Variants in CAPZB observed in about 807,000 individuals in gnomAD.
CAPZB encodes the protein F-actin-capping protein subunit beta.
CAPZB carries 2 observed loss-of-function variants against 38.1 expected under a neutral mutation model. The observed-to-expected ratio is 0.05, with a 90% CI of 0.02 to 0.17. CAPZB has a LOEUF of 0.17. Among genes scored for constraint, CAPZB ranks in the 10% least tolerant of loss-of-function variants. The pLI, the probability that CAPZB is intolerant of heterozygous loss-of-function variation, is 1.00. For missense variants in CAPZB, 161 were observed against 334.2 expected (o/e 0.48, Z 4.04); for synonymous variants, 107 against 127.4 (o/e 0.84, Z 1.08).
At chr1:19,437,244 G>C (rs563501573) in intron 1 of CAPZB, among the ~76,000 whole-genome samples, 2 of 152,330 alleles carry the variant, frequency 1.3e-5, no homozygotes, top group South Asian at 2.1e-4. Context: ...GGCCTTCCAT[G>C]AATATATGAA....
intron 6 of CAPZB, among the ~76,000 whole-genome samples, chr1:19,351,840 G>A (rs1172334543): frequency 6.6e-6 from 1 of 152,184 alleles, no homozygotes; most frequent in East Asian, 1.9e-4. Context: ...GCCGCCTCCT[G>A]CCAGGGATCT....
chr1:19,477,487 C>G (rs2094610868), intron 1 of CAPZB, among the ~76,000 whole-genome samples: 5 of 152,264 alleles, frequency 3.3e-5, no homozygotes, highest in Admixed American at 3.3e-4. Context: ...ACTTTTCACA[C>G]CAGAAGGATG....
At chr1:19,408,608 G>A (rs2094343815) in intron 2 of CAPZB, among the ~76,000 whole-genome samples, 1 of 152,232 alleles carries the variant, frequency 6.6e-6, no homozygotes, top group Non-Finnish European at 1.5e-5. Flanking sequence ...GCCAGCAAAA[G>A]GGGAGCCTGA....
intron 1 of CAPZB, among the ~76,000 whole-genome samples, chr1:19,462,989 A>G (rs78373984): frequency 0.11 from 16,826 of 152,184 alleles, 2,537 homozygotes; most frequent in African/African-American, 0.34. Context: ...CCATCATCAC[A>G]GAAAGTTCCA....
chr1:19,425,895 A>G (rs1254748613), intron 1 of CAPZB, among the ~76,000 whole-genome samples: 2 of 152,248 alleles, frequency 1.3e-5, no homozygotes, highest in Non-Finnish European at 1.5e-5. Context: ...TAGAGTAAAC[A>G]CACCATCTAC....
intron 2 of CAPZB, among the ~76,000 whole-genome samples, chr1:19,387,516 C>T (rs1383265154): frequency 6.6e-6 from 1 of 152,182 alleles, no homozygotes; most frequent in African/African-American, 2.4e-5. Flanking sequence ...CATGCCTGTC[C>T]CTAAGCATCT....
At chr1:19,478,811 G>A (rs973922006) in intron 1 of CAPZB, among the ~76,000 whole-genome samples, 1 of 152,362 alleles carries the variant, frequency 6.6e-6, no homozygotes, top group South Asian at 2.1e-4. Flanking sequence ...GCATAGCGCA[G>A]TGCCAGGACT....
intron 1 of CAPZB, among the ~76,000 whole-genome samples, chr1:19,462,768 A>C (rs1238350524): frequency 2.6e-5 from 4 of 152,256 alleles, no homozygotes; most frequent in African/African-American, 9.6e-5. Context: ...ATGGGAGTCA[A>C]CATTCATCAG....
rs1288113224 is a variant in CAPZB at position 19,485,317 on chromosome 1, G to C, written c.3+119C>G. ...GGGACCGGGTCCACCCAGGGTCCGG[G>C]ACCCCGCCCCTCCCCCACCCCGGGA... On this transcript the variant is annotated intron_variant, in intron 1 of 8. Transcript: ENST00000264202. The C allele has an allele frequency of 4.4e-6, 3 of 679,760 alleles. No homozygotes were observed. In the East Asian group the frequency reaches 1.0e-4, roughly 24 times the overall value. The allele number at this position is 679,760 out of a possible 1,614,324, so 42.1% of individuals were successfully genotyped here.
At chr1:19,482,234 A>G (rs1349577486) in intron 1 of CAPZB, among the ~76,000 whole-genome samples, 1 of 152,236 alleles carries the variant, frequency 6.6e-6, no homozygotes, top group East Asian at 1.9e-4. Flanking sequence ...GCCACTGATC[A>G]CTGCCTACTT....
rs543587639 is a variant in CAPZB at position 19,382,497 on chromosome 1, A to G, written c.215+3008T>C. Reference sequence around the variant, plus strand: ...ATCTTATTTAAGCAAACCATCAAACACAGTCAGGATGGAAATCTGTGGACA... The same window carrying G: ...ATCTTATTTAAGCAAACCATCAAACGCAGTCAGGATGGAAATCTGTGGACA... On this transcript the variant is annotated intron_variant, in intron 3 of 8. Transcript: ENST00000264202. Among the ~76,000 whole-genome samples, 118 of 152,310 alleles carry G rather than the reference A, an allele frequency of 7.7e-4. 1 individual carries two copies. Among genetic ancestry groups the G allele is most frequent in the African/African-American group, 2.8e-3 (116 of 41,572 alleles).
At chr1:19,400,519 T>C (rs1047853487) in intron 2 of CAPZB, among the ~76,000 whole-genome samples, 5 of 152,252 alleles carry the variant, frequency 3.3e-5, no homozygotes, top group Non-Finnish European at 5.9e-5. Flanking sequence ...CCGCGAGATG[T>C]TGGCTTTCTA....
intron 6 of CAPZB, among the ~76,000 whole-genome samples, chr1:19,349,417 C>A (rs1160361151): frequency 6.6e-6 from 1 of 152,034 alleles, no homozygotes; most frequent in Non-Finnish European, 1.5e-5. Context: ...AGATTCCCGG[C>A]CACCCTAGGG....
chr1:19,345,556 G>A (rs1465065742), intron 6 of CAPZB, among the ~76,000 whole-genome samples: 1 of 152,266 alleles, frequency 6.6e-6, no homozygotes, highest in African/African-American at 2.4e-5. Context: ...GCAGGCACCA[G>A]CTCACCCGAG....
chr1:19,353,877 A>G (rs2094005514), intron 6 of CAPZB, among the ~76,000 whole-genome samples: 1 of 152,216 alleles, frequency 6.6e-6, no homozygotes, highest in Non-Finnish European at 1.5e-5. Flanking sequence ...GCGGCTCTGC[A>G]GGGTTGATCC....
intron 6 of CAPZB, among the ~76,000 whole-genome samples, chr1:19,354,783 G>A (rs2094011215): frequency 1.3e-5 from 2 of 152,212 alleles, no homozygotes; most frequent in African/African-American, 4.8e-5. Flanking sequence ...GGAGTGGTAA[G>A]TGATACAGGA....
intron 1 of CAPZB, among the ~76,000 whole-genome samples, chr1:19,470,412 C>A (rs2094583095): frequency 6.6e-6 from 1 of 152,170 alleles, no homozygotes; most frequent in Non-Finnish European, 1.5e-5. Context: ...GAACTCAGGC[C>A]ATTGGCATTC....
intron 2 of CAPZB, among the ~76,000 whole-genome samples, chr1:19,418,373 CG>C (rs1194919413): frequency 3.3e-5 from 5 of 152,060 alleles, no homozygotes; most frequent in African/African-American, 4.8e-5. Context: ...GGCTCCTGGC[CG>C]GGGACCCCTG....
At chr1:19,362,025 G>A (rs977612582) in intron 4 of CAPZB, among the ~76,000 whole-genome samples, 12 of 152,158 alleles carry the variant, frequency 7.9e-5, no homozygotes, top group Admixed American at 7.2e-4. Context: ...CCCTGCCCTG[G>A]CCCCTGCCCA....
Sources: gnomAD v4.1 joint callset for allele counts (sites outside exome capture counted in the v4.1 genomes callset) on GRCh38, gnomAD v4.1.1 for gene constraint, MANE v1.5 for transcripts, NCBI Gene and HGNC (gene_info 2026-07-23, HGNC 2026-07-21) for gene names.